Variants in AKAP9 observed in about 807,000 individuals in gnomAD.
The protein encoded by AKAP9 is A-kinase anchoring protein 9.
In AKAP9, 311 loss-of-function variants were observed where a neutral mutation model predicts 488.5. That is an observed-to-expected ratio of 0.64 (90% CI 0.58 to 0.70). The LOEUF is 0.70. Ranked by LOEUF, AKAP9 falls within the 30% of genes least tolerant of loss-of-function variation. The probability of loss-of-function intolerance (pLI) is 0.00; values close to 1 mark genes in which losing one functional copy is unlikely to be tolerated. For missense variants in AKAP9, 4,215 were observed against 4,374.5 expected (o/e 0.96, Z 1.03); for synonymous variants, 1,462 against 1,483.5 (o/e 0.99, Z 0.33).
At chr7:91,989,138 C>T (rs1797464835) in intron 3 of AKAP9, among the ~76,000 whole-genome samples, 1 of 125,164 alleles carries the variant, frequency 8.0e-6, no homozygotes, top group Non-Finnish European at 1.7e-5. Flanking sequence ...TGATGATTCC[C>T]TTAATAAATT....
chr7:91,948,302 A>T (rs1485497242), intron 1 of AKAP9, among the ~76,000 whole-genome samples: 1 of 152,146 alleles, frequency 6.6e-6, no homozygotes, highest in Non-Finnish European at 1.5e-5. Flanking sequence ...TAGTAGTAGA[A>T]CTGAGCAAGG....
At chr7:91,959,459 AT>A (rs149341579) in intron 1 of AKAP9, among the ~76,000 whole-genome samples, 3,779 of 50,650 alleles carry the variant, frequency 0.075, 336 homozygotes, top group East Asian at 0.42. Context: ...CTCCTGGCTA[AT>A]TTAAAAAAAA....
chr7:91,993,866 T>G (rs1018846957), intron 5 of AKAP9, among the ~76,000 whole-genome samples: 6 of 152,228 alleles, frequency 3.9e-5, no homozygotes, highest in Admixed American at 1.3e-4. Flanking sequence ...TGGTGGCTTA[T>G]GCCTGTAATC....
chr7:91,954,842 C>T (rs1306572352), intron 1 of AKAP9, among the ~76,000 whole-genome samples: 1 of 152,154 alleles, frequency 6.6e-6, no homozygotes, highest in Non-Finnish European at 1.5e-5. Flanking sequence ...TTACTTGATT[C>T]TACAATACTG....
chr7:91,987,962 A>G (rs891449390), intron 3 of AKAP9, among the ~76,000 whole-genome samples: 1 of 152,162 alleles, frequency 6.6e-6, no homozygotes, highest in Non-Finnish European at 1.5e-5. Context: ...ACTGGAGCTC[A>G]GGAGTTCGAG....
chr7:92,093,885 C>G (rs1452492422), intron 39 of AKAP9, among the ~76,000 whole-genome samples: 1 of 151,988 alleles, frequency 6.6e-6, no homozygotes, highest in Non-Finnish European at 1.5e-5. Context: ...GAATCTCGCT[C>G]TGTCGCCCAG....
chr7:92,050,063 CTTTTTTTTTTT>C (rs35146687), intron 21 of AKAP9, among the ~76,000 whole-genome samples: 1 of 129,744 alleles, frequency 7.7e-6, no homozygotes, highest in East Asian at 2.1e-4. Flanking sequence ...TTTCAGCAAA[CTTTTTTTTTTT>C]TTTTTTTTGA....
At chr7:91,971,914 T>A (rs1025430748) in intron 1 of AKAP9, among the ~76,000 whole-genome samples, 5 of 151,648 alleles carry the variant, frequency 3.3e-5, no homozygotes, top group African/African-American at 7.3e-5. Flanking sequence ...ATTCTAGTCT[T>A]CTCTGTCTGG....
intron 8 of AKAP9, among the ~76,000 whole-genome samples, chr7:92,007,491 A>ATT (rs907773811): frequency 6.6e-6 from 1 of 151,978 alleles, no homozygotes; most frequent in Non-Finnish European, 1.5e-5. Context: ...ACCTCAAGTG[A>ATT]TTTATATCTT....
intron 26 of AKAP9, 106 bp downstream of exon 26, chr7:92,066,652 A>T: frequency 7.3e-7 from 1 of 1,372,814 alleles, no homozygotes; most frequent in Non-Finnish European, 1.0e-6. Context: ...TTTGTATGTA[A>T]ATCTTCAAAA....
chr7:91,970,259 A>G (rs1295621485), intron 1 of AKAP9, among the ~76,000 whole-genome samples: 2 of 151,906 alleles, frequency 1.3e-5, no homozygotes, highest in Non-Finnish European at 2.9e-5. Context: ...CTCAATTTAC[A>G]TGTTTTTATA....
chr7:91,943,716 A>G (rs1584506384), intron 1 of AKAP9, among the ~76,000 whole-genome samples: 1 of 152,248 alleles, frequency 6.6e-6, no homozygotes, highest in Non-Finnish European at 1.5e-5. Context: ...TATTTGCTTA[A>G]TGAATGAACA....
At position 92,083,451 on chromosome 7, in the gene AKAP9, A is replaced by G. The variant is rs1813950957; in HGVS notation, c.8442A>G (p.Ser2814=). Residue 2814 remains serine, a synonymous_variant, in exon 33 of 50, where the codon TCA becomes TCG. Coordinates refer to ENST00000356239, the MANE Select transcript of AKAP9 (RefSeq NM_005751.5). ...IQINLQSECS[S]EEVTEIISQF... Reference sequence around the variant, plus strand: ...TTAATTTACAGAGTGAATGTTCCTCAGAAGAAGTTACTGAAATAATCAGTC... The same window carrying G: ...TTAATTTACAGAGTGAATGTTCCTCGGAAGAAGTTACTGAAATAATCAGTC... 1.2e-6 allele frequency: 2 copies of G among 1,614,024 alleles called. No homozygotes were observed. The highest frequency in any genetic ancestry group is 1.7e-6 in the Non-Finnish European group (2 of 1,179,936).
chr7:91,958,257 T>TAAC (rs1182921769), intron 1 of AKAP9, among the ~76,000 whole-genome samples: 1 of 152,248 alleles, frequency 6.6e-6, no homozygotes, highest in Non-Finnish European at 1.5e-5. Context: ...ATGTATAATG[T>TAAC]AGGTTTATAA....
intron 37 of AKAP9, among the ~76,000 whole-genome samples, chr7:92,088,172 T>TA (rs1009753821): frequency 1.3e-5 from 2 of 152,152 alleles, no homozygotes; most frequent in Admixed American, 1.3e-4. Context: ...GATACCACCT[T>TA]AACCAAGTGA....
chr7:91,982,939 G>T (rs1796615121), intron 3 of AKAP9, among the ~76,000 whole-genome samples: 2 of 152,104 alleles, frequency 1.3e-5, no homozygotes, highest in East Asian at 3.9e-4. Context: ...CTGATGACCA[G>T]TGTTGATCAT....
intron 8 of AKAP9, among the ~76,000 whole-genome samples, chr7:92,005,709 G>A (rs532025644): frequency 9.2e-5 from 14 of 151,908 alleles, no homozygotes; most frequent in East Asian, 3.9e-4. Context: ...TCTGTCACCC[G>A]GGCTGGAGTG....
At chr7:92,034,498 A>ATATTT (rs1172887684) in intron 16 of AKAP9, among the ~76,000 whole-genome samples, 3 of 95,458 alleles carry the variant, frequency 3.1e-5, no homozygotes, top group African/African-American at 8.2e-5. Flanking sequence ...ATATATATAT[A>ATATTT]TTTTTTTTTT....
In AKAP9 at chr7:92,097,180, G is replaced by C. The variant is rs200711005; in HGVS notation, c.10221G>C (p.Glu3407Asp). The C allele has an allele frequency of 6.2e-7, 1 of 1,613,790 alleles. No individual in the cohort carries two copies. The highest frequency in any genetic ancestry group is 8.5e-7 in the Non-Finnish European group (1 of 1,179,910). ...CTGAGGGACAGAAAAAAATGCATGA[G>C]CTCCAGTCCAAAGTGGAAGATCTTC... ...ANTEGQKKMHELQSKVEDLQR... is the reference protein window; with the variant it reads ...ANTEGQKKMHDLQSKVEDLQR... Residue 3407 changes from glutamate to aspartate, a missense_variant, in exon 41 of 50, where the codon GAG becomes GAC. By Grantham distance (45) the Glu-to-Asp change is conservative. This residue lies in a region of AKAP9 where 1,476 missense variants were observed against 1,477.4 expected (regional missense o/e 1.00). Coordinates refer to ENST00000356239, the MANE Select transcript of AKAP9 (RefSeq NM_005751.5).
Sources: gnomAD v4.1 joint callset for allele counts (sites outside exome capture counted in the v4.1 genomes callset) on GRCh38, gnomAD v4.1.1 for gene constraint, gnomAD v4.1.1 regional missense constraint, MANE v1.5 for transcripts, NCBI Gene and HGNC (gene_info 2026-07-23, HGNC 2026-07-21) for gene names.